Variants in GCN1 observed in about 807,000 individuals in gnomAD.
The protein encoded by GCN1 is GCN1 activator of EIF2AK4.
GCN1 carries 90 observed loss-of-function variants against 288.4 expected under a neutral mutation model. The observed-to-expected ratio is 0.31, with a 90% CI of 0.26 to 0.37. The LOEUF is 0.37. GCN1 is among the 10% of genes least tolerant of loss of function. The probability of loss-of-function intolerance (pLI) is 1.00; values close to 1 mark genes in which losing one functional copy is unlikely to be tolerated. For missense variants in GCN1, 2,586 were observed against 3,419.9 expected (o/e 0.76, Z 6.08); for synonymous variants, 1,386 against 1,420.2 (o/e 0.98, Z 0.54).
At chr12:120,164,549 A>G (rs1594277456) in intron 17 of GCN1, 54 bp from the exon 18 acceptor site, 10 of 1,601,822 alleles carry the variant, frequency 6.2e-6, no homozygotes, top group African/African-American at 1.3e-5. Context: ...AGGGCTTTCC[A>G]CAGCCAACCC....
Position 120,134,346 on chromosome 12 carries a change from G to A in GCN1, c.7262C>T (p.Ala2421Val), listed in dbSNP as rs1393171708. The change falls in exon 53 of 58, where the codon GCC (alanine) becomes GTC (valine). Residue 2421 changes from alanine (A) to valine (V), a missense_variant. Ala to Val is a moderately conservative substitution (Grantham distance 64). Coordinates refer to ENST00000300648, the MANE Select transcript of GCN1 (RefSeq NM_006836.2). This position sits in a 1 kb window ranked among gnomAD's most constrained non-coding sequence, Gnocchi z 5.0. ...VIQGAGAKVDAVIRKNIVSLL... is the reference protein window; with the variant it reads ...VIQGAGAKVDVVIRKNIVSLL... Reference sequence around the variant, plus strand: ...TGAGACGATGTTTTTCCGGATGACGGCATCCACTTTGGCCCCTGCTCCCTG... The same window carrying A: ...TGAGACGATGTTTTTCCGGATGACGACATCCACTTTGGCCCCTGCTCCCTG... 1.2e-6 allele frequency: 2 copies of A among 1,613,930 alleles called. No homozygotes were observed. The highest frequency in any genetic ancestry group is 2.7e-5 in the African/African-American group (2 of 74,920).
chr12:120,165,042 T>C (rs1327254121), intron 16 of GCN1, among the ~76,000 whole-genome samples: 3,520 of 131,540 alleles, frequency 0.027, 147 homozygotes, highest in African/African-American at 0.099. Flanking sequence ...CACACATATA[T>C]ATATATATAT....
At chr12:120,173,850 G>A in intron 13 of GCN1, 24 bp from the exon 14 acceptor site, 1 of 1,602,956 alleles carries the variant, frequency 6.2e-7, no homozygotes, top group South Asian at 1.1e-5. Flanking sequence ...CAGAAGTCCA[G>A]TCAGTCCAAT....
chr12:120,174,009 T>G, intron 13 of GCN1, 62 bp downstream of exon 13: 1 of 1,142,884 alleles, frequency 8.7e-7, no homozygotes, highest in Non-Finnish European at 1.3e-6. Flanking sequence ...AAGCTCCAAC[T>G]GTGAAAAACC....
At chr12:120,189,360 C>CGTGCCTGG (rs1878929401) in intron 2 of GCN1, among the ~76,000 whole-genome samples, 1 of 150,946 alleles carries the variant, frequency 6.6e-6, no homozygotes, top group African/African-American at 2.4e-5. Context: ...CGTGAGCCAC[C>CGTGCCTGG]ACACCCAGGC....
chr12:120,188,930 A>T (rs1332707952), intron 2 of GCN1, among the ~76,000 whole-genome samples: 1 of 152,224 alleles, frequency 6.6e-6, no homozygotes, highest in Non-Finnish European at 1.5e-5. Context: ...TTCCAAACAA[A>T]ATGGTTAAAA....
chr12:120,161,360 G>C (rs1006923160), intron 22 of GCN1, 130 bp downstream of exon 22: 7 of 673,462 alleles, frequency 1.0e-5, no homozygotes, highest in East Asian at 2.5e-5. Context: ...CACTGGTCAG[G>C]GGCATCAGAG....
intron 15 of GCN1, among the ~76,000 whole-genome samples, chr12:120,169,748 T>C (rs7133235): frequency 0.25 from 38,352 of 152,138 alleles, 6,447 homozygotes; most frequent in East Asian, 0.56. Flanking sequence ...GTGATCCGCC[T>C]GCCTCGGCCT....
At chr12:120,182,127 T>C (rs1372814304) in intron 5 of GCN1, among the ~76,000 whole-genome samples, 2 of 148,898 alleles carry the variant, frequency 1.3e-5, no homozygotes, top group African/African-American at 2.5e-5. Flanking sequence ...CCAACCTGAG[T>C]GACAGAATTA....
In GCN1 at chr12:120,178,775, C is replaced by G. The variant is rs766924372; in HGVS notation, c.526-16G>C. The G allele has an allele frequency of 3.1e-6, 5 of 1,614,174 alleles. No individual in the cohort carries two copies. Among genetic ancestry groups the G allele is most frequent in the Non-Finnish European group, 4.2e-6 (5 of 1,179,996 alleles). ...GCCCGGGGTTCTGAAGAGGAAAGTG[C>G]CAGGCAGGTGTTTAAGATGGCAGTG... is the stretch of plus-strand genomic sequence containing the variant. On this transcript the variant is annotated splice_polypyrimidine_tract_variant and intron_variant, in intron 6 of 57. Transcript: ENST00000300648.
At chr12:120,160,075 G>T in intron 23 of GCN1, 52 bp from the exon 24 acceptor site, 1 of 1,580,526 alleles carries the variant, frequency 6.3e-7, no homozygotes, top group Non-Finnish European at 8.7e-7. Context: ...GCTTGTGACA[G>T]CAAGCAGCAG....
At chr12:120,176,344 T>A in intron 9 of GCN1, 127 bp from the exon 10 acceptor site, 1 of 657,692 alleles carries the variant, frequency 1.5e-6, no homozygotes, top group Non-Finnish European at 2.7e-6. Flanking sequence ...ACAGGCTACA[T>A]GAGTAGTCCC....
Position 120,134,492 on chromosome 12 carries a change from G to C in GCN1, c.7202+41C>G. ...GCAGGCTCGGCCCACAGCAACCCCT[G>C]GCCTCCTGGAGGCCACAGTGCTCCC... is the stretch of plus-strand genomic sequence containing the variant. On this transcript the variant is annotated intron_variant, in intron 52 of 57. Transcript: ENST00000300648. The surrounding 1 kb of genome is among the most constrained non-coding windows in gnomAD (Gnocchi z 5.0). The C allele has an allele frequency of 6.2e-7, 1 of 1,602,626 alleles. No individual in the cohort carries two copies.
At position 120,164,504 on chromosome 12, in the gene GCN1, A is replaced by C. The variant is rs1468454626; in HGVS notation, c.1689-9T>G. 4 of 1,612,550 alleles carry C rather than the reference A, an allele frequency of 2.5e-6. No homozygotes were observed. The highest frequency in any genetic ancestry group is 3.4e-6 in the Non-Finnish European group (4 of 1,178,794). The stretch of plus-strand genomic sequence containing the variant: ...GAGCCCGGTGGTACTGCCTGCAAGC[A>C]CAGGGACAGACAGGTCTGGGGGAAG... On this transcript the variant is annotated splice_polypyrimidine_tract_variant and intron_variant, in intron 17 of 57. Coordinates refer to ENST00000300648, the MANE Select transcript of GCN1 (RefSeq NM_006836.2).
chr12:120,137,420 G>T lies in GCN1; in HGVS notation c.6664-101C>A. 1 of 1,398,354 alleles carries T rather than the reference G, an allele frequency of 7.2e-7. No homozygotes were observed. Among genetic ancestry groups the T allele is most frequent in the Non-Finnish European group, 1.0e-6 (1 of 990,790 alleles). The allele number at this position is 1,398,354 out of a possible 1,614,324, so 86.6% of individuals were successfully genotyped here. On this transcript the variant is annotated intron_variant, in intron 49 of 57. Transcript: ENST00000300648. The surrounding 1 kb of genome is among the most constrained non-coding windows in gnomAD (Gnocchi z 5.2). ...GTGGGCGGGAGTATAAACAAGACTT[G>T]CCACGAGTGGGTAAACGCCGAAGCT... is the stretch of plus-strand genomic sequence containing the variant.
Position 120,167,588 on chromosome 12 carries a change from G to A in GCN1, c.1612+620C>T, listed in dbSNP as rs970298830. On this transcript the variant is annotated intron_variant, in intron 16 of 57. Coordinates refer to ENST00000300648, the MANE Select transcript of GCN1 (RefSeq NM_006836.2). ...ACTGGGTAGCCAGAGATCAAAGCAGGGGTATAATTTTCAATGTAGACCCTC... is the reference window on the plus strand; with the variant it reads ...ACTGGGTAGCCAGAGATCAAAGCAGAGGTATAATTTTCAATGTAGACCCTC... Among the ~76,000 whole-genome samples the A allele has an allele frequency of 3.3e-5, 5 of 152,014 alleles. No homozygotes were observed. In the South Asian group the frequency reaches 6.2e-4, roughly 19 times the overall value.
intron 3 of GCN1, 117 bp downstream of exon 3, chr12:120,184,707 T>C (rs949079723): frequency 6.5e-6 from 5 of 769,216 alleles, no homozygotes; most frequent in Admixed American, 5.4e-5. Context: ...GGCTAGGATG[T>C]GACATAGCCC....
At chr12:120,128,837 C>CTTTTTTTTTT (rs35329199) in intron 57 of GCN1, among the ~76,000 whole-genome samples, 1 of 98,414 alleles carries the variant, frequency 1.0e-5, no homozygotes, top group East Asian at 3.5e-4. Context: ...TCACCCAAAT[C>CTTTTTTTTTT]TTTTTTTTTT....
chr12:120,173,443 T>C (rs555631084), intron 14 of GCN1, among the ~76,000 whole-genome samples: 16 of 152,262 alleles, frequency 1.1e-4, no homozygotes, highest in African/African-American at 3.4e-4. Flanking sequence ...CTTTGTACTT[T>C]GAAAGTCTGA....
Sources: allele counts gnomAD v4.1 joint callset (sites outside exome capture counted in the v4.1 genomes callset), GRCh38; gene constraint gnomAD v4.1.1; non-coding constraint Gnocchi (gnomAD v3.1); transcripts MANE v1.5; gene names NCBI Gene and HGNC (gene_info 2026-07-23, HGNC 2026-07-21).